Variants in PLXNA2 observed in about 807,000 individuals in gnomAD.
PLXNA2 encodes plexin-A2.
Under a neutral mutation model 193.5 loss-of-function variants are expected in PLXNA2, and 91 were observed. The observed-to-expected ratio is 0.47, with a 90% CI of 0.40 to 0.56. The LOEUF (loss-of-function observed/expected upper bound fraction) is 0.56, where lower values mean the gene tolerates loss of function less well. PLXNA2 is among the 20% of genes least tolerant of loss of function. PLXNA2 has a pLI of 0.00. For missense variants in PLXNA2, 1,995 were observed against 2,503.2 expected, an observed-to-expected ratio of 0.80 and a Z score of 4.33; for synonymous variants, 997 against 1,027.3, an observed-to-expected ratio of 0.97 and a Z score of 0.56.
chr1:208,181,234 T>G (rs1270199178), intron 3 of PLXNA2, among the ~76,000 whole-genome samples: 1 of 152,136 alleles, frequency 6.6e-6, no homozygotes, highest in African/African-American at 2.4e-5. Context: ...ACCGAGCCTT[T>G]TCCTTCTGAG....
chr1:208,114,333 G>A (rs1217246816), intron 4 of PLXNA2, among the ~76,000 whole-genome samples: 7 of 152,130 alleles, frequency 4.6e-5, no homozygotes, highest in African/African-American at 7.2e-5. Context: ...GGGACCCCAC[G>A]TTGATGTTCC....
At chr1:208,240,150 G>A (rs143520622) in intron 1 of PLXNA2, among the ~76,000 whole-genome samples, 12 of 152,220 alleles carry the variant, frequency 7.9e-5, no homozygotes, top group Non-Finnish European at 1.5e-4. Context: ...CTCTTACCCC[G>A]CAAGGACCCT....
At chr1:208,037,951 C>T (rs986919713) in intron 26 of PLXNA2, among the ~76,000 whole-genome samples, 7 of 152,280 alleles carry the variant, frequency 4.6e-5, no homozygotes, top group Admixed American at 4.6e-4. Context: ...ATTCCCTGCT[C>T]CACTGTAAGT....
chr1:208,091,310 T>C (rs1365777642), intron 9 of PLXNA2, among the ~76,000 whole-genome samples: 1 of 152,234 alleles, frequency 6.6e-6, no homozygotes, highest in African/African-American at 2.4e-5. Context: ...GAGAAACCTT[T>C]CAGAGTCTAT....
chr1:208,027,940 T>A, intron 31 of PLXNA2, 69 bp downstream of exon 31: 1 of 1,428,010 alleles, frequency 7.0e-7, no homozygotes, highest in Non-Finnish European at 9.4e-7. Context: ...TTGCCATCTA[T>A]TTAAGGACTG....
chr1:208,107,795 G>A (rs1667321305), intron 4 of PLXNA2, among the ~76,000 whole-genome samples: 1 of 152,064 alleles, frequency 6.6e-6, no homozygotes, highest in African/African-American at 2.4e-5. Flanking sequence ...GGGTGGCTGG[G>A]CTGGCAGGTG....
intron 1 of PLXNA2, 152 bp from the exon 2 acceptor site, chr1:208,218,154 CT>C: frequency 3.1e-6 from 2 of 640,356 alleles, no homozygotes; most frequent in Non-Finnish European, 5.4e-6. Flanking sequence ...CTTTCTCCCT[CT>C]TAGGAATGTT....
At chr1:208,226,970 G>C (rs73082022) in intron 1 of PLXNA2, among the ~76,000 whole-genome samples, 1 of 152,300 alleles carries the variant, frequency 6.6e-6, no homozygotes, top group South Asian at 2.1e-4. Context: ...CTGTGCAAAC[G>C]GAGTCCGAGA....
At chr1:208,041,637 G>A (rs1664873875) in intron 22 of PLXNA2, among the ~76,000 whole-genome samples, 1 of 152,252 alleles carries the variant, frequency 6.6e-6, no homozygotes, top group Non-Finnish European at 1.5e-5. Flanking sequence ...CAATGGAGGA[G>A]CTGGATTTTA....
In PLXNA2 at chr1:208,044,893, T is replaced by G; in HGVS notation, c.3640-151A>C. The G allele has an allele frequency of 9.8e-7, 1 of 1,025,492 alleles. No individual in the cohort carries two copies. Among genetic ancestry groups the G allele is most frequent in the Admixed American group, 2.2e-5 (1 of 45,212 alleles). 63.5% of individuals were successfully genotyped at this position (1,025,492 alleles called of 1,614,324 possible). A position where few individuals can be genotyped will look rare whatever the true frequency, so the allele number is the denominator to read the frequency against. On this transcript the variant is annotated intron_variant, in intron 19 of 31. Transcript: ENST00000367033. The surrounding 1 kb of genome is among the most constrained non-coding windows in gnomAD (Gnocchi z 4.9). ...AAAAGCAATTTCCTGCCTCGGCATC[T>G]GCCTTTCTTTTCTTGTGTTCTCAGC...
intron 12 of PLXNA2, among the ~76,000 whole-genome samples, chr1:208,066,381 A>C (rs936564495): frequency 4.6e-5 from 7 of 152,192 alleles, no homozygotes; most frequent in African/African-American, 1.7e-4. Flanking sequence ...GGACCCCCAG[A>C]GTCCTGGCCC....
intron 3 of PLXNA2, among the ~76,000 whole-genome samples, chr1:208,170,621 G>A (rs1215728923): frequency 6.6e-6 from 1 of 152,192 alleles, no homozygotes; most frequent in Non-Finnish European, 1.5e-5. Context: ...AATCCGATGT[G>A]ATCAAAGCCC....
chr1:208,237,432 C>T (rs966058048), intron 1 of PLXNA2, among the ~76,000 whole-genome samples: 14 of 152,266 alleles, frequency 9.2e-5, no homozygotes, highest in African/African-American at 3.1e-4. Flanking sequence ...TCCAGAAGTA[C>T]CAGAAAGGGA....
intron 21 of PLXNA2, among the ~76,000 whole-genome samples, chr1:208,042,765 C>T (rs1664916339): frequency 6.6e-6 from 1 of 152,212 alleles, no homozygotes; most frequent in Non-Finnish European, 1.5e-5. Context: ...AATCCTGTGT[C>T]TTTCTTTAAG....
chr1:208,054,782 T>C (rs1027331924), intron 13 of PLXNA2, among the ~76,000 whole-genome samples: 6 of 152,222 alleles, frequency 3.9e-5, no homozygotes, highest in African/African-American at 1.4e-4. Context: ...GTGCCTCTGA[T>C]ATGCTCTGCT....
chr1:208,100,938 T>C (rs549355181), intron 5 of PLXNA2, among the ~76,000 whole-genome samples: 2 of 152,328 alleles, frequency 1.3e-5, no homozygotes, highest in African/African-American at 4.8e-5. Flanking sequence ...ATCGGGACAC[T>C]AGTGATTCCA....
intron 3 of PLXNA2, among the ~76,000 whole-genome samples, chr1:208,202,192 CT>C (rs1297242140): frequency 6.6e-6 from 1 of 151,994 alleles, no homozygotes; most frequent in Non-Finnish European, 1.5e-5. Flanking sequence ...GTTGGCCAGG[CT>C]GGTCTCGAAC....
At chr1:208,181,947 T>C (rs1669854897) in intron 3 of PLXNA2, among the ~76,000 whole-genome samples, 1 of 152,202 alleles carries the variant, frequency 6.6e-6, no homozygotes, top group African/African-American at 2.4e-5. Flanking sequence ...AAGTTCTTTC[T>C]ATTATCTCAT....
At chr1:208,171,783 G>A (rs757486530) in intron 3 of PLXNA2, among the ~76,000 whole-genome samples, 2 of 152,056 alleles carry the variant, frequency 1.3e-5, no homozygotes, top group Non-Finnish European at 2.9e-5. Flanking sequence ...TTGAGCCCAC[G>A]AGATCCAGGC....
Sources: allele counts gnomAD v4.1 joint callset (sites outside exome capture counted in the v4.1 genomes callset), GRCh38; gene constraint gnomAD v4.1.1; non-coding constraint Gnocchi (gnomAD v3.1); transcripts MANE v1.5; gene names NCBI Gene and HGNC (gene_info 2026-07-23, HGNC 2026-07-21).